The following IGSF11 variants were observed in gnomAD, a reference collection of about 807,000 sequenced individuals.
IGSF11 encodes the protein immunoglobulin superfamily member 11.
IGSF11 carries 22 observed loss-of-function variants against 41.0 expected under a neutral mutation model. That is an observed-to-expected ratio of 0.54 (90% CI 0.38 to 0.77). The LOEUF (loss-of-function observed/expected upper bound fraction) is 0.77. Ranked by LOEUF, IGSF11 falls within the 30% of genes least tolerant of loss-of-function variation. IGSF11 has a pLI of 0.00. For synonymous variants in IGSF11, 219 were observed against 201.3 expected, an observed-to-expected ratio of 1.09 and a Z score of -0.74; for missense variants, 444 against 530.8, an observed-to-expected ratio of 0.84 and a Z score of 1.61.
rs377330100 is a variant in IGSF11, at chr3:118,926,156, A to G, written c.525T>C (p.Thr175=). The G allele has an allele frequency of 6.0e-5, 96 of 1,612,186 alleles. No homozygotes were observed. In the African/African-American group the frequency reaches 9.1e-4, roughly 15 times the overall value. Residue 175 remains threonine (T), a synonymous_variant, in exon 4 of 7, where the codon ACT becomes ACC. Coordinates refer to ENST00000393775, the MANE Select transcript of IGSF11 (RefSeq NM_001015887.3). ...TATTGTCTAACTTCTCCCAAAGGTAAGTTGGTCGAGGAATGCCTTCCTCTG... is the reference window on the plus strand; with the variant it reads ...TATTGTCTAACTTCTCCCAAAGGTAGGTTGGTCGAGGAATGCCTTCCTCTG... ...CSSEEGIPRP[T]YLWEKLDNTL...
chr3:119,105,759 G>A (rs2077012566), upstream of IGSF11, among the ~76,000 whole-genome samples: 5 of 152,134 alleles, frequency 3.3e-5, no homozygotes, highest in Admixed American at 2.6e-4. Context: ...ATCTGGATGA[G>A]CACTCCCAAT....
chr3:118,932,493 G>A (rs969892117), intron 1 of IGSF11, among the ~76,000 whole-genome samples: 1 of 152,190 alleles, frequency 6.6e-6, no homozygotes, highest in East Asian at 1.9e-4. Flanking sequence ...TTCATAAACT[G>A]TCTGTGATAG....
chr3:119,011,720 T>C (rs75741434), intron 1 of IGSF11, among the ~76,000 whole-genome samples: 2,342 of 152,332 alleles, frequency 0.015, 73 homozygotes, highest in African/African-American at 0.053. Flanking sequence ...TCACCATCTA[T>C]TGCAGGCATA....
chr3:118,951,583 T>G (rs1262518217), intron 1 of IGSF11, among the ~76,000 whole-genome samples: 1 of 152,174 alleles, frequency 6.6e-6, no homozygotes, highest in Non-Finnish European at 1.5e-5. Flanking sequence ...ATAATATCTA[T>G]CCCTTTATTG....
rs186790111 is a variant in IGSF11 at position 118,913,246 on chromosome 3, G to C, written c.581-7528C>G. 2.8e-3 allele frequency among the ~76,000 whole-genome samples: 426 copies of C among 151,922 alleles called. 10 individuals are homozygous for C. The highest frequency in any genetic ancestry group is 0.025 in the Admixed American group (376 of 15,268). ...CTAACAGGAAACAATAAAGAAAGAA[G>C]AGAAAAGGCTATATTCAAAAATATA... On this transcript the variant is annotated intron_variant, in intron 4 of 6. Coordinates refer to ENST00000393775, the MANE Select transcript of IGSF11 (RefSeq NM_001015887.3).
At chr3:119,048,601 T>G (rs1941474050) in intron 1 of IGSF11, among the ~76,000 whole-genome samples, 1 of 152,082 alleles carries the variant, frequency 6.6e-6, no homozygotes, top group Non-Finnish European at 1.5e-5. Context: ...CTTCTGAAAC[T>G]ATTCCAATCA....
At chr3:119,111,695 C>T (rs2077164163) in intron 1 of IGSF11, among the ~76,000 whole-genome samples, 1 of 152,254 alleles carries the variant, frequency 6.6e-6, no homozygotes, top group South Asian at 2.1e-4. Flanking sequence ...AGTTTTTCTG[C>T]TCTGTTGTTT....
At chr3:119,030,242 T>G (rs1051701888) in intron 1 of IGSF11, among the ~76,000 whole-genome samples, 23 of 152,222 alleles carry the variant, frequency 1.5e-4, no homozygotes, top group African/African-American at 5.3e-4. Flanking sequence ...AACAGTAAAT[T>G]TGTATGGGTT....
rs1217302834 is a variant in IGSF11, at chr3:118,967,782, A to C, written c.53-37507T>G. 2.0e-5 allele frequency among the ~76,000 whole-genome samples: 3 copies of C among 152,304 alleles called. No homozygotes were observed. In the East Asian group the frequency reaches 5.8e-4, roughly 29 times the overall value. On this transcript the variant is annotated intron_variant, in intron 1 of 6. Coordinates refer to ENST00000393775, the MANE Select transcript of IGSF11 (RefSeq NM_001015887.3). ...CAAATGAGAAAGCAAGTGAATACAT[A>C]TAGTTGTATTGTTTTCCTCTTTGTA...
At chr3:118,912,589 G>C (rs1028353805) in intron 4 of IGSF11, among the ~76,000 whole-genome samples, 1 of 151,954 alleles carries the variant, frequency 6.6e-6, no homozygotes, top group African/African-American at 2.4e-5. Context: ...GCTGTTGGCA[G>C]AAACAAATAG....
At chr3:118,933,764 C>CA (rs1943047038) in intron 1 of IGSF11, among the ~76,000 whole-genome samples, 1 of 152,024 alleles carries the variant, frequency 6.6e-6, no homozygotes, top group Non-Finnish European at 1.5e-5. Context: ...TATATGATGA[C>CA]AAACTTTAAA....
At chr3:119,054,656 T>A (rs1312329773) in intron 1 of IGSF11, among the ~76,000 whole-genome samples, 1 of 152,184 alleles carries the variant, frequency 6.6e-6, no homozygotes, top group Non-Finnish European at 1.5e-5. Flanking sequence ...GAATTACCAT[T>A]TGATGCAGCA....
intron 1 of IGSF11, among the ~76,000 whole-genome samples, chr3:119,041,799 G>A (rs1282009143): frequency 1.3e-5 from 2 of 152,078 alleles, no homozygotes; most frequent in Non-Finnish European, 2.9e-5. Flanking sequence ...TGAAGCAATA[G>A]TTTAAAATCC....
At chr3:118,914,914 CG>C (rs1940893722) in intron 4 of IGSF11, among the ~76,000 whole-genome samples, 2 of 136,654 alleles carry the variant, frequency 1.5e-5, no homozygotes, top group South Asian at 2.7e-4. Flanking sequence ...GATCTGAGAA[CG>C]GGCAGACTGC....
At chr3:118,955,180 G>A (rs1361846950) in intron 1 of IGSF11, among the ~76,000 whole-genome samples, 1 of 151,490 alleles carries the variant, frequency 6.6e-6, no homozygotes, top group Non-Finnish European at 1.5e-5. Flanking sequence ...ATCAATGAGT[G>A]GATAAAGAAA....
intron 1 of IGSF11, among the ~76,000 whole-genome samples, chr3:119,136,644 T>C (rs2077566897): frequency 6.6e-6 from 1 of 152,158 alleles, no homozygotes; most frequent in Admixed American, 6.6e-5. Flanking sequence ...TAAATACATA[T>C]GCACCTAACA....
At chr3:119,097,573 G>A (rs1353030073) in intron 1 of IGSF11, among the ~76,000 whole-genome samples, 1 of 152,082 alleles carries the variant, frequency 6.6e-6, no homozygotes, top group Non-Finnish European at 1.5e-5. Context: ...CTAACTTGGG[G>A]ACTTGGTGTC....
At chr3:119,095,886 T>TTGGTATACCCAGAAGGAGTATA (rs1288612191) in intron 1 of IGSF11, among the ~76,000 whole-genome samples, 1 of 152,212 alleles carries the variant, frequency 6.6e-6, no homozygotes, top group African/African-American at 2.4e-5. Flanking sequence ...GCTTTCATTC[T>TTGGTATACCCAGAAGGAGTATA]TGGTATACCC....
chr3:119,025,806 T>G (rs1157667666), intron 1 of IGSF11, among the ~76,000 whole-genome samples: 1 of 152,084 alleles, frequency 6.6e-6, no homozygotes, highest in Non-Finnish European at 1.5e-5. Context: ...TATACAAATG[T>G]ATAGGGTATA....
Sources: allele counts gnomAD v4.1 joint callset (sites outside exome capture counted in the v4.1 genomes callset), GRCh38; gene constraint gnomAD v4.1.1; transcripts MANE v1.5; gene names NCBI Gene and HGNC (gene_info 2026-07-23, HGNC 2026-07-21).